The following SUCLG2 variants were observed in gnomAD, a reference collection of about 807,000 sequenced individuals.
SUCLG2 encodes the protein succinate--CoA ligase [GDP-forming] subunit beta, mitochondrial.
A neutral mutation model predicts 47.9 loss-of-function variants in SUCLG2; 42 were observed. That is an observed-to-expected ratio of 0.88 (90% CI 0.69 to 1.14). The LOEUF is 1.14. Among genes scored for constraint, SUCLG2 ranks in the 50% most tolerant of loss-of-function variants. SUCLG2 has a pLI of 0.00. For synonymous variants in SUCLG2, 195 were observed against 197.3 expected, an observed-to-expected ratio of 0.99 and a Z score of 0.10; for missense variants, 571 against 525.9, an observed-to-expected ratio of 1.09 and a Z score of -0.84.
intron 9 of SUCLG2, among the ~76,000 whole-genome samples, chr3:67,423,047 A>C (rs1454424488): frequency 6.6e-6 from 1 of 152,132 alleles, no homozygotes; most frequent in African/African-American, 2.4e-5. Flanking sequence ...TGGATGGTTA[A>C]TAGGTGCAGT....
At position 67,443,159 on chromosome 3, in the gene SUCLG2, C is replaced by G. The variant is rs139727387; in HGVS notation, c.1063-42308G>C. On this transcript the variant is annotated intron_variant, in intron 9 of 10. Transcript: ENST00000307227. Reference sequence around the variant, plus strand: ...ACTTAAACTATAAAGGAGGATGTGTCTAGGTTATATGCATATATTGTATCA... The same window carrying G: ...ACTTAAACTATAAAGGAGGATGTGTGTAGGTTATATGCATATATTGTATCA... Among the ~76,000 whole-genome samples the G allele has an allele frequency of 6.2e-4, 94 of 152,168 alleles. 1 individual carries two copies. The East Asian group carries it at 0.012, about 19-fold the overall frequency.
rs1702026794 is a variant in SUCLG2, at chr3:67,375,878, AC to A, written c.1184-20del. Reference sequence around the variant, plus strand: ...TTGGTTCCTAGAAGGGGGACAGGGAACAATCACTGAATGAAACTAGAGGTGG... The same window carrying A: ...TTGGTTCCTAGAAGGGGGACAGGGAAAATCACTGAATGAAACTAGAGGTGG... On this transcript the variant is annotated intron_variant, in intron 10 of 10. Coordinates refer to ENST00000307227, the MANE Select transcript of SUCLG2 (RefSeq NM_003848.4). 1 of 1,609,588 alleles carries A rather than the reference AC, an allele frequency of 6.2e-7. No individual in the cohort carries two copies. The highest frequency in any genetic ancestry group is 1.7e-5 in the Admixed American group (1 of 59,488).
At chr3:67,393,180 C>T (rs1010716471) in intron 10 of SUCLG2, among the ~76,000 whole-genome samples, 4 of 135,190 alleles carry the variant, frequency 3.0e-5, no homozygotes, top group Non-Finnish European at 6.6e-5. Flanking sequence ...CAGGACAGTG[C>T]GTGCAGCGCA....
rs111647879 is a variant in SUCLG2, at chr3:67,518,387, T to C, written c.571-51A>G. 6.3e-5 allele frequency: 96 copies of C among 1,524,680 alleles called. 1 individual carries two copies. The African/African-American group carries it at 1.2e-3, about 19-fold the overall frequency. The allele number at this position is 1,524,680 out of a possible 1,614,324, so 94.4% of individuals were successfully genotyped here. On this transcript the variant is annotated intron_variant, in intron 5 of 10. Transcript: ENST00000307227. ...AAATTCAGACAGTCAACTGAGAAGA[T>C]TTACAACCTCAAAAGAAAATGCTTA...
chr3:67,432,590 C>T (rs534001072), intron 9 of SUCLG2, among the ~76,000 whole-genome samples: 1 of 152,128 alleles, frequency 6.6e-6, no homozygotes, highest in Non-Finnish European at 1.5e-5. Flanking sequence ...AAAATCCTGC[C>T]TATCCTTAGA....
chr3:67,499,287 T>A (rs1290525451), intron 7 of SUCLG2, among the ~76,000 whole-genome samples: 1 of 152,232 alleles, frequency 6.6e-6, no homozygotes, highest in East Asian at 1.9e-4. Flanking sequence ...GTAACCTTGA[T>A]AAAATAACCT....
intron 9 of SUCLG2, among the ~76,000 whole-genome samples, chr3:67,419,326 A>G (rs1254854311): frequency 2.6e-5 from 4 of 152,114 alleles, no homozygotes; most frequent in Non-Finnish European, 5.9e-5. Flanking sequence ...TAGATTTTCT[A>G]CTCCTTTGAA....
At chr3:67,494,530 C>T (rs578080741) in intron 9 of SUCLG2, among the ~76,000 whole-genome samples, 13 of 151,936 alleles carry the variant, frequency 8.6e-5, no homozygotes, top group East Asian at 3.9e-4. Flanking sequence ...AGAGGCTGTG[C>T]GAGGAGGATA....
intron 9 of SUCLG2, among the ~76,000 whole-genome samples, chr3:67,453,631 A>G (rs980412612): frequency 6.6e-6 from 1 of 152,182 alleles, no homozygotes; most frequent in African/African-American, 2.4e-5. Flanking sequence ...ATTTAGCATG[A>G]ATATATATAT....
rs114929429 is a variant in SUCLG2, at chr3:67,617,685, C to T, written c.85-8089G>A. 5.2e-3 allele frequency among the ~76,000 whole-genome samples: 791 copies of T among 152,210 alleles called. 3 individuals are homozygous for T. The highest frequency in any genetic ancestry group is 0.017 in the African/African-American group (710 of 41,528). On this transcript the variant is annotated intron_variant, in intron 1 of 10. Coordinates refer to ENST00000307227, the MANE Select transcript of SUCLG2 (RefSeq NM_003848.4). ...AGGGGTACAGAGAGATCCTACCTAC[C>T]CTATGGATGGCAGAAATGGCAGCTG...
chr3:67,410,415 G>A (rs1269586563), intron 9 of SUCLG2, among the ~76,000 whole-genome samples: 2 of 151,396 alleles, frequency 1.3e-5, no homozygotes, highest in South Asian at 2.1e-4. Flanking sequence ...ATATTGAATG[G>A]CATTATAAAT....
intron 9 of SUCLG2, among the ~76,000 whole-genome samples, chr3:67,461,635 G>T (rs73104317): frequency 0.047 from 7,068 of 151,958 alleles, 293 homozygotes; most frequent in East Asian, 0.22. Flanking sequence ...GCTGGAAAAT[G>T]CCTTGTTATG....
chr3:67,517,196 G>A (rs1168168179), intron 6 of SUCLG2, among the ~76,000 whole-genome samples: 1 of 152,018 alleles, frequency 6.6e-6, no homozygotes, highest in Non-Finnish European at 1.5e-5. Context: ...CAAGTAAGTG[G>A]TTTCCCTTCA....
chr3:67,518,841 A>G (rs1706021622), intron 5 of SUCLG2, among the ~76,000 whole-genome samples: 1 of 152,222 alleles, frequency 6.6e-6, no homozygotes, highest in Non-Finnish European at 1.5e-5. Context: ...TATTTCATGC[A>G]TTCTCTTAAC....
rs1399831622 is a variant in SUCLG2 at position 67,389,528 on chromosome 3, C to T, written c.1183+11203G>A. Among the ~76,000 whole-genome samples the T allele has an allele frequency of 2.0e-5, 3 of 152,284 alleles. No individual in the cohort carries two copies. In the East Asian group the frequency reaches 5.8e-4, roughly 29 times the overall value. Reference sequence around the variant, plus strand: ...TCACAAATAGTGGTTCTCAGTACTTCCAGTGGAGAAAAAGTTGCCAACTAC... The same window carrying T: ...TCACAAATAGTGGTTCTCAGTACTTTCAGTGGAGAAAAAGTTGCCAACTAC... On this transcript the variant is annotated intron_variant, in intron 10 of 10. Transcript: ENST00000307227.
At chr3:67,393,385 A>G (rs1453598581) in intron 10 of SUCLG2, among the ~76,000 whole-genome samples, 7 of 152,196 alleles carry the variant, frequency 4.6e-5, no homozygotes, top group Non-Finnish European at 8.8e-5. Flanking sequence ...CACATGGCTC[A>G]GAGGGTCCTA....
intron 2 of SUCLG2, among the ~76,000 whole-genome samples, chr3:67,550,081 G>A (rs190231630): frequency 6.6e-6 from 1 of 152,280 alleles, no homozygotes; most frequent in Admixed American, 6.5e-5. Flanking sequence ...TCTGAATTCA[G>A]CTGCTAATCC....
chr3:67,631,976 C>G (rs370962749), intron 1 of SUCLG2, among the ~76,000 whole-genome samples: 2 of 152,314 alleles, frequency 1.3e-5, no homozygotes, highest in African/African-American at 4.8e-5. Context: ...CCTGTGACAA[C>G]AAATTATTAG....
chr3:67,581,339 C>T (rs551476346), intron 2 of SUCLG2, among the ~76,000 whole-genome samples: 1 of 152,332 alleles, frequency 6.6e-6, no homozygotes, highest in South Asian at 2.1e-4. Context: ...ATGTGTCACA[C>T]ACATGTCTAT....
Sources: gnomAD v4.1 joint callset for allele counts (sites outside exome capture counted in the v4.1 genomes callset) on GRCh38, gnomAD v4.1.1 for gene constraint, MANE v1.5 for transcripts, NCBI Gene and HGNC (gene_info 2026-07-23, HGNC 2026-07-21) for gene names.